The following PKMYT1 variants were observed in gnomAD, a reference collection of about 807,000 sequenced individuals.
PKMYT1 encodes protein kinase, membrane associated tyrosine/threonine 1.
In PKMYT1, 35 loss-of-function variants were observed where a neutral mutation model predicts 49.7. The ratio of observed to expected loss-of-function variants is 0.70; its 90% CI spans 0.54 to 0.93. PKMYT1 has a LOEUF of 0.93. Ranked by LOEUF, PKMYT1 falls within the 40% of genes least tolerant of loss-of-function variation. The probability of loss-of-function intolerance (pLI) is 0.00; values close to 1 mark genes in which losing one functional copy is unlikely to be tolerated. For missense variants in PKMYT1, 677 were observed against 673.1 expected, an observed-to-expected ratio of 1.01 and a Z score of -0.06; for synonymous variants, 331 against 287.6, an observed-to-expected ratio of 1.15 and a Z score of -1.53.
chr16:2,974,481 G>A, intron 5 of PKMYT1, 64 bp from the exon 6 acceptor site: 1 of 1,540,508 alleles, frequency 6.5e-7, no homozygotes, highest in Non-Finnish European at 8.8e-7. Flanking sequence ...GCCCAGCAGT[G>A]CCTCCATGGC....
chr16:2,975,371 T>C lies in PKMYT1; in HGVS notation c.820A>G (p.Met274Val), dbSNP rs2072159847. Residue 274 changes from methionine (M) to valine (V), a missense_variant, in exon 4 of 9, where the codon ATG (methionine) becomes GTG (valine). Coordinates refer to ENST00000262300, the MANE Select transcript of PKMYT1 (RefSeq NM_004203.5). Reference sequence around the variant, plus strand: ...GAGCCCTGCAGCAGCTCGGGGGCCATGTAGCGGGGGTCTCCCTCCTGGACC... The same window carrying C: ...GAGCCCTGCAGCAGCTCGGGGGCCACGTAGCGGGGGTCTCCCTCCTGGACC... Reference protein sequence around the residue: ...GEVQEGDPRYMAPELLQGSYG... With the variant: ...GEVQEGDPRYVAPELLQGSYG... 1 of 1,613,030 alleles carries C rather than the reference T, an allele frequency of 6.2e-7. No individual in the cohort carries two copies. The highest frequency in any genetic ancestry group is 1.1e-5 in the South Asian group (1 of 91,090).
chr16:2,979,591 G>A (rs951007536), intron 2 of PKMYT1, 57 bp downstream of exon 2: 2 of 1,408,626 alleles, frequency 1.4e-6, no homozygotes, highest in Non-Finnish European at 2.0e-6. Flanking sequence ...CACACTCGGG[G>A]ACCTGGGCCT....
At chr16:2,974,523 C>A in intron 5 of PKMYT1, 27 bp downstream of exon 5, 1 of 1,533,298 alleles carries the variant, frequency 6.5e-7, no homozygotes, top group Non-Finnish European at 8.8e-7. Flanking sequence ...CCCGTGGCAG[C>A]ACCCCCTCCC....
chr16:2,975,263 G>A (rs559029183), intron 4 of PKMYT1, 56 bp downstream of exon 4: 14 of 1,509,776 alleles, frequency 9.3e-6, no homozygotes, highest in Admixed American at 4.0e-5. Flanking sequence ...TGGAGCTTCC[G>A]TCCCAGGAAG....
chr16:2,977,806 A>ACCCC (rs2072239635), intron 2 of PKMYT1, among the ~76,000 whole-genome samples: 4 of 152,180 alleles, frequency 2.6e-5, no homozygotes, highest in Admixed American at 2.6e-4. Context: ...CTCCCCGTCA[A>ACCCC]GGGTTAGGGT....
rs1341896025 is a variant in PKMYT1 at position 2,980,436 on chromosome 16, C to T, written c.-406G>A. 1.3e-5 allele frequency: 2 copies of T among 152,304 alleles called. No individual in the cohort carries two copies. The highest frequency in any genetic ancestry group is 4.8e-5 in the African/African-American group (2 of 41,460). 9.4% of individuals were successfully genotyped at this position (152,304 alleles called of 1,614,324 possible). On this transcript the variant is annotated 5_prime_UTR_variant, in exon 1 of 9. Coordinates refer to ENST00000262300, the MANE Select transcript of PKMYT1 (RefSeq NM_004203.5). ...AGGACTCCCGTGAGGGGGAACGGCC[C>T]GTGAACGCGCGCGGAGCTGCTCGCG... is the stretch of plus-strand genomic sequence containing the variant.
At chr16:2,976,630 C>T (rs200067646) in intron 3 of PKMYT1, 34 bp downstream of exon 3, 1 of 1,412,670 alleles carries the variant, frequency 7.1e-7, no homozygotes, top group Non-Finnish European at 9.3e-7. Context: ...AAGGAGGTCC[C>T]CCAGATGGGC....
chr16:2,978,568 T>A (rs1393213581), intron 2 of PKMYT1, among the ~76,000 whole-genome samples: 3 of 151,784 alleles, frequency 2.0e-5, no homozygotes, highest in Non-Finnish European at 2.9e-5. Context: ...GCCAACATGG[T>A]GAAACCCCAT....
chr16:2,976,989 G>A lies in PKMYT1; in HGVS notation c.53C>T (p.Pro18Leu), dbSNP rs921316810. Residue 18 changes from proline (P) to leucine (L), a missense_variant, in exon 3 of 9, where the codon CCG becomes CTG. Pro to Leu is a moderately conservative substitution (Grantham distance 98). Transcript: ENST00000262300. ...LAMPMPTEGT[P>L]PPLSGTPIPV... ...GATGGGGGTGCCACTCAGAGGTGGC[G>A]GGGTGCCCTCCGTGGGCATGGGCAT... 6 of 1,569,542 alleles carry A rather than the reference G, an allele frequency of 3.8e-6. No individual in the cohort carries two copies. Among genetic ancestry groups the A allele is most frequent in the East Asian group, 4.7e-5 (2 of 42,976 alleles).
intron 4 of PKMYT1, among the ~76,000 whole-genome samples, 192 bp downstream of exon 4, chr16:2,975,127 G>C (rs2072149241): frequency 6.6e-6 from 1 of 152,204 alleles, no homozygotes; most frequent in Admixed American, 6.5e-5. Context: ...AGTGGCTCTG[G>C]AGGGTTCGAG....
At chr16:2,978,863 G>A (rs1188693215) in intron 2 of PKMYT1, among the ~76,000 whole-genome samples, 1 of 151,532 alleles carries the variant, frequency 6.6e-6, no homozygotes, top group African/African-American at 2.4e-5. Context: ...CTGGAGTGCA[G>A]TGGTATGATC....
At chr16:2,979,993 G>C (rs1012908261) in intron 1 of PKMYT1, 81 bp from the exon 2 acceptor site, 4 of 385,162 alleles carry the variant, frequency 1.0e-5, no homozygotes, top group Non-Finnish European at 1.9e-5. Context: ...CGGGGCAGGG[G>C]CTGTCACGGA....
chr16:2,977,130 A>G (rs2072220063), intron 2 of PKMYT1, 99 bp from the exon 3 acceptor site: 2 of 1,546,050 alleles, frequency 1.3e-6, no homozygotes, highest in East Asian at 4.7e-5. Context: ...AGCTATGTCT[A>G]TACCACACAC....
chr16:2,973,747 C>T lies in PKMYT1; in HGVS notation c.1310+253G>A, dbSNP rs371636088. ...GGGCACTGGCAGCCTCCACTGGGGT[C>T]GGGGCTGCGCGGCCAGCCACTCCCT... On this transcript the variant is annotated intron_variant, in intron 7 of 8. Transcript: ENST00000262300. 10 of 580,374 alleles carry T rather than the reference C, an allele frequency of 1.7e-5. 1 individual carries two copies. The highest frequency in any genetic ancestry group is 1.3e-4 in the African/African-American group (7 of 53,106). The allele number at this position is 580,374 out of a possible 1,614,324, so 36.0% of individuals were successfully genotyped here.
chr16:2,976,835 A>G lies in PKMYT1; in HGVS notation c.207T>C (p.Pro69=). 1 of 1,552,772 alleles carries G rather than the reference A, an allele frequency of 6.4e-7. No homozygotes were observed. Among genetic ancestry groups the G allele is most frequent in the South Asian group, 1.2e-5 (1 of 84,114 alleles). Residue 69 remains proline (P), a synonymous_variant, in exon 3 of 9, where the codon CCT becomes CCC. Coordinates refer to ENST00000262300, the MANE Select transcript of PKMYT1 (RefSeq NM_004203.5). ...GSIPISRLFP[P]RTPGWHQLQP... is the part of the protein sequence containing the mutation. ...GCAGCTGGTGCCAGCCTGGGGTCCG[A>G]GGAGGGAAGAGGCGGCTGATGGGAA...
chr16:2,975,305 G>GC lies in PKMYT1; in HGVS notation c.872+13dup. On this transcript the variant is annotated intron_variant, in intron 4 of 8. Coordinates refer to ENST00000262300, the MANE Select transcript of PKMYT1 (RefSeq NM_004203.5). ...CCACAGCCTGCCAAACACCTGGCGT[G>GC]CCCCGGTCCCCACCTGAACACATCC... 2.5e-6 allele frequency: 4 copies of GC among 1,595,298 alleles called. No homozygotes were observed. The highest frequency in any genetic ancestry group is 3.4e-6 in the Non-Finnish European group (4 of 1,168,446).
rs4149770 is a variant in PKMYT1 at position 2,979,761 on chromosome 16, C to T, written c.-104G>A. The T allele has an allele frequency of 6.8e-4, 977 of 1,446,690 alleles. 5 individuals carry two copies. In the African/African-American group the frequency reaches 0.012, roughly 18 times the overall value. 89.6% of individuals were successfully genotyped at this position (1,446,690 alleles called of 1,614,324 possible). A position where few individuals can be genotyped will look rare whatever the true frequency, so the allele number is the denominator to read the frequency against. ...CTGAGCTAAGGCCAGGCGGGGGTGA[C>T]CTCCGCAGCTTCCGGGGCCCTGGGC... On this transcript the variant is annotated 5_prime_UTR_variant, in exon 2 of 9. Transcript: ENST00000262300.
At position 2,975,255 on chromosome 16, in the gene PKMYT1, G is replaced by A. The variant is rs1166009157; in HGVS notation, c.872+64C>T. On this transcript the variant is annotated intron_variant, in intron 4 of 8. Transcript: ENST00000262300. Reference sequence around the variant, plus strand: ...GGTGGAGCTTCCCTCCTGGGGAATGGAGCTTCCGTCCCAGGAAGGGCCTCC... The same window carrying A: ...GGTGGAGCTTCCCTCCTGGGGAATGAAGCTTCCGTCCCAGGAAGGGCCTCC... 11 of 1,486,512 alleles carry A rather than the reference G, an allele frequency of 7.4e-6. No homozygotes were observed. In the East Asian group the frequency reaches 2.2e-4, roughly 30 times the overall value. The allele number at this position is 1,486,512 out of a possible 1,614,324, so 92.1% of individuals were successfully genotyped here.
At position 2,975,601 on chromosome 16, in the gene PKMYT1, T is replaced by G; in HGVS notation, c.590A>C (p.His197Pro). 2 of 1,611,568 alleles carry G rather than the reference T, an allele frequency of 1.2e-6. No homozygotes were observed. The highest frequency in any genetic ancestry group is 2.2e-5 in the South Asian group (2 of 91,016). The change falls in exon 4 of 9, where the codon CAC becomes CCC. Residue 197 changes from histidine (H) to proline (P), a missense_variant. Transcript: ENST00000262300. The part of the protein sequence containing the change: ...TELCGPSLQQ[H>P]CEAWGASLPE... ...CAGGCTGGCACCCCAGGCCTCACAG[T>G]GTTGCTGCAGGCTGGGCCCGCACAG...
Sources: allele counts gnomAD v4.1 joint callset (sites outside exome capture counted in the v4.1 genomes callset), GRCh38; gene constraint gnomAD v4.1.1; transcripts MANE v1.5; gene names NCBI Gene and HGNC (gene_info 2026-07-23, HGNC 2026-07-21).